HEMK2: variants seen among roughly 807,000 people sequenced by gnomAD.
HEMK2 encodes the protein HemK methyltransferase 2, ETF1 glutamine and histone H4 lysine.
the HEMK2 span, among the ~76,000 whole-genome samples, chr21:28,759,294 C>T: frequency 1.3e-5 from 2 of 152,148 alleles, no homozygotes; most frequent in Admixed American, 6.6e-5. Flanking sequence ...TGGAGCTTTA[C>T]GATTTGACTG....
the HEMK2 span, among the ~76,000 whole-genome samples, chr21:28,613,466 G>C: frequency 1.3e-5 from 2 of 151,810 alleles, no homozygotes; most frequent in Non-Finnish European, 2.9e-5. Context: ...AATAAAATAG[G>C]ATACCATCAG....
At chr21:28,667,289 A>G in the HEMK2 span, among the ~76,000 whole-genome samples, 2 of 152,174 alleles carry the variant, frequency 1.3e-5, no homozygotes, top group Non-Finnish European at 2.9e-5. Context: ...GCTTTGCTAA[A>G]AAGTATATAA....
At chr21:28,770,778 T>C in the HEMK2 span, among the ~76,000 whole-genome samples, 7 of 152,110 alleles carry the variant, frequency 4.6e-5, no homozygotes, top group Non-Finnish European at 8.8e-5. Context: ...TCCAGAACCA[T>C]GAGCCAAACA....
the HEMK2 span, among the ~76,000 whole-genome samples, chr21:28,764,928 C>T: frequency 2.6e-5 from 4 of 152,098 alleles, no homozygotes; most frequent in Non-Finnish European, 4.4e-5. Context: ...CCTTGACCCA[C>T]CTGATATTCA....
At chr21:28,769,326 T>C in the HEMK2 span, among the ~76,000 whole-genome samples, 1 of 152,114 alleles carries the variant, frequency 6.6e-6, no homozygotes, top group African/African-American at 2.4e-5. Context: ...AGCTAACTTA[T>C]ACGGTTTGGA....
At chr21:28,700,322 T>C in the HEMK2 span, among the ~76,000 whole-genome samples, 1 of 152,166 alleles carries the variant, frequency 6.6e-6, no homozygotes, top group Non-Finnish European at 1.5e-5. Context: ...CACGTTTCCA[T>C]TTTTAAACAG....
the HEMK2 span, among the ~76,000 whole-genome samples, chr21:28,863,454 ATATATATATATATATAC>A: frequency 1.3e-5 from 1 of 79,368 alleles, no homozygotes; most frequent in Non-Finnish European, 2.5e-5. Flanking sequence ...ATATATATAT[ATATATATATATATATAC>A]TTCATTAGTT....
chr21:28,738,806 T>C, the HEMK2 span, among the ~76,000 whole-genome samples: 1,627 of 152,340 alleles, frequency 0.011, 25 homozygotes, highest in African/African-American at 0.037. Context: ...CACATTTAAA[T>C]GCATTCATTC....
chr21:28,726,000 C>T, the HEMK2 span, among the ~76,000 whole-genome samples: 2 of 150,738 alleles, frequency 1.3e-5, no homozygotes, highest in Non-Finnish European at 1.5e-5. Context: ...GTTCACTTAA[C>T]GATATAAATG....
chr21:28,578,655 G>C, the HEMK2 span, among the ~76,000 whole-genome samples: 2 of 152,156 alleles, frequency 1.3e-5, no homozygotes, highest in Admixed American at 6.5e-5. Context: ...GACTGGCAGG[G>C]AACTGAAATC....
At chr21:28,841,176 T>TA in the HEMK2 span, among the ~76,000 whole-genome samples, 2 of 22,264 alleles carry the variant, frequency 9.0e-5, no homozygotes, top group Non-Finnish European at 1.3e-4. Context: ...ATATAATATA[T>TA]AAATATATAT....
the HEMK2 span, among the ~76,000 whole-genome samples, chr21:28,752,132 A>G: frequency 7.2e-5 from 11 of 152,224 alleles, no homozygotes; most frequent in South Asian, 4.1e-4. Flanking sequence ...GAAAGTCATG[A>G]AACCAGTTTT....
At chr21:28,730,997 A>G in the HEMK2 span, among the ~76,000 whole-genome samples, 1 of 151,922 alleles carries the variant, frequency 6.6e-6, no homozygotes, top group African/African-American at 2.4e-5. Flanking sequence ...CACGCTCCCT[A>G]TAAGAAGCCT....
At chr21:28,792,545 A>G in the HEMK2 span, among the ~76,000 whole-genome samples, 1 of 152,154 alleles carries the variant, frequency 6.6e-6, no homozygotes, top group South Asian at 2.1e-4. Flanking sequence ...GTTGTAAGAA[A>G]CAGAGTCCCA....
chr21:28,866,203 T>C, the HEMK2 span, among the ~76,000 whole-genome samples: 1 of 131,184 alleles, frequency 7.6e-6, no homozygotes, highest in Non-Finnish European at 1.6e-5. Context: ...TAGCCAGGCA[T>C]AGTGGCCCGT....
the HEMK2 span, among the ~76,000 whole-genome samples, chr21:28,870,904 T>C: frequency 2.6e-5 from 4 of 152,188 alleles, no homozygotes; most frequent in African/African-American, 9.7e-5. Flanking sequence ...AAACATCCCA[T>C]GGGTGCTTGA....
chr21:28,879,802 ACATT>A, the HEMK2 span: 3 of 1,187,072 alleles, frequency 2.5e-6, no homozygotes, highest in Non-Finnish European at 2.4e-6. Context: ...TCATAGGATG[ACATT>A]CATTTGATTT....
chr21:28,641,787 C>T, the HEMK2 span, among the ~76,000 whole-genome samples: 1 of 152,228 alleles, frequency 6.6e-6, no homozygotes, highest in Non-Finnish European at 1.5e-5. Context: ...AAGTCTCTCT[C>T]TCTCAGCTAG....
At chr21:28,644,693 T>C in the HEMK2 span, among the ~76,000 whole-genome samples, 5 of 152,244 alleles carry the variant, frequency 3.3e-5, no homozygotes, top group African/African-American at 4.8e-5. Context: ...TTAATTCTTT[T>C]TGTGAAATTT....
Sources: allele counts gnomAD v4.1 joint callset (sites outside exome capture counted in the v4.1 genomes callset), GRCh38; gene constraint gnomAD v4.1.1; transcripts MANE v1.5; gene names NCBI Gene and HGNC (gene_info 2026-07-23, HGNC 2026-07-21).